Variants in IGFN1 observed in about 807,000 individuals in gnomAD.
IGFN1 encodes the protein immunoglobulin-like and fibronectin type III domain-containing protein 1.
Under a neutral mutation model 289.5 loss-of-function variants are expected in IGFN1, and 253 were observed. The observed-to-expected ratio is 0.87, with a 90% CI of 0.79 to 0.97. The LOEUF (loss-of-function observed/expected upper bound fraction) is 0.97, where lower values mean the gene tolerates loss of function less well. Ranked by LOEUF, IGFN1 falls within the 50% of genes least tolerant of loss-of-function variation. The pLI is 0.00. For missense variants in IGFN1, 4,470 were observed against 4,686.1 expected, an observed-to-expected ratio of 0.95 and a Z score of 1.35; for synonymous variants, 1,706 against 1,788.5, an observed-to-expected ratio of 0.95 and a Z score of 1.16.
chr1:201,214,355 C>T (rs1168264616), intron 13 of IGFN1, 54 bp downstream of exon 13: 4 of 1,539,186 alleles, frequency 2.6e-6, no homozygotes, highest in East Asian at 2.3e-5. Context: ...AGAGGTAAAG[C>T]AGAGAGGGGC....
rs1667170225 is a variant in IGFN1, at chr1:201,201,729, C to T, written c.644C>T (p.Thr215Ile). Residue 215 changes from threonine (T) to isoleucine (I), a missense_variant, in exon 9 of 24, where the codon ACC becomes ATC. By Grantham distance (89) the Thr-to-Ile change is moderately conservative. This residue lies in a region of IGFN1 where 2,011 missense variants were observed against 1,953.4 expected (regional missense o/e 1.03). Coordinates refer to ENST00000335211, the MANE Select transcript of IGFN1 (RefSeq NM_001164586.2). ...TTGTCTGCTTTGTAGTACATCAACA[C>T]CATCTCCAGCTTAAGACACATCAGG... ...QEDKMAQYIN[T>I]ISSLRHIRVT... The T allele has an allele frequency of 1.3e-6, 2 of 1,537,806 alleles. No homozygotes were observed. Among genetic ancestry groups the T allele is most frequent in the African/African-American group, 2.7e-5 (2 of 72,868 alleles).
chr1:201,195,786 C>T (rs1666890931), intron 3 of IGFN1, 53 bp from the exon 4 acceptor site: 1 of 1,513,518 alleles, frequency 6.6e-7, no homozygotes, highest in Non-Finnish European at 8.9e-7. Flanking sequence ...ATAAAGTATA[C>T]AGTCACCCTC....
chr1:201,201,389 T>C (rs1667148305), intron 8 of IGFN1, among the ~76,000 whole-genome samples: 1 of 152,234 alleles, frequency 6.6e-6, no homozygotes, highest in Non-Finnish European at 1.5e-5. Context: ...AGCTTTCTCA[T>C]TGGCTTTAAC....
intron 5 of IGFN1, among the ~76,000 whole-genome samples, chr1:201,198,638 G>C (rs1277420691): frequency 6.6e-6 from 1 of 151,852 alleles, no homozygotes; most frequent in Non-Finnish European, 1.5e-5. Context: ...TGTTGCCCAG[G>C]CTGGTCTGGA....
Position 201,210,424 on chromosome 1 carries a change from G to C in IGFN1, c.5531G>C (p.Gly1844Ala). The change falls in exon 12 of 24, where the codon GGA (glycine) becomes GCA (alanine). Residue 1844 changes from glycine to alanine, a missense_variant. By Grantham distance (60) the Gly-to-Ala change is moderately conservative. This residue lies in a region of IGFN1 where 33 missense variants were observed against 259.7 expected (regional missense o/e 0.13). Coordinates refer to ENST00000335211, the MANE Select transcript of IGFN1 (RefSeq NM_001164586.2). ...AGFRDGLGGSGEMGSVNEAGY... is the reference protein window; with the variant it reads ...AGFRDGLGGSAEMGSVNEAGY... Reference sequence around the variant, plus strand: ...TTCAGGGATGGTTTAGGGGGTTCTGGAGAAATGGGGTCAGTGAATGAAGCA... The same window carrying C: ...TTCAGGGATGGTTTAGGGGGTTCTGCAGAAATGGGGTCAGTGAATGAAGCA... The C allele has an allele frequency of 7.6e-7, 1 of 1,320,818 alleles. No individual in the cohort carries two copies. Among genetic ancestry groups the C allele is most frequent in the Non-Finnish European group, 1.0e-6 (1 of 999,930 alleles). 81.8% of individuals were successfully genotyped at this position (1,320,818 alleles called of 1,614,324 possible).
Position 201,206,842 on chromosome 1 carries a change from G to A in IGFN1, c.1949G>A (p.Arg650Lys). 6.5e-7 allele frequency: 1 copy of A among 1,536,874 alleles called. No homozygotes were observed. Among genetic ancestry groups the A allele is most frequent in the Non-Finnish European group, 8.7e-7 (1 of 1,146,830 alleles). Residue 650 changes from arginine (R) to lysine (K), a missense_variant, in exon 12 of 24, where the codon AGA becomes AAA. Around this residue, in one of 8 missense-constraint regions of IGFN1, gnomAD observed 2,011 missense variants for 1,953.4 expected, o/e 1.03. Transcript: ENST00000335211. ...RGDAPSRERGRGIVVWGGGTG... is the reference protein window; with the variant it reads ...RGDAPSRERGKGIVVWGGGTG... Reference sequence around the variant, plus strand: ...GATGCTCCAAGTAGGGAAAGGGGGAGAGGAATAGTAGTGTGGGGTGGTGGG... The same window carrying A: ...GATGCTCCAAGTAGGGAAAGGGGGAAAGGAATAGTAGTGTGGGGTGGTGGG...
chr1:201,191,402 G>A (rs892734458), intron 1 of IGFN1, among the ~76,000 whole-genome samples: 2 of 152,146 alleles, frequency 1.3e-5, no homozygotes, highest in African/African-American at 4.8e-5. Context: ...AGGGAAAAAG[G>A]ATGGGGAGCC....
chr1:201,225,780 CT>C (rs1401517131), intron 21 of IGFN1, 43 bp from the exon 22 acceptor site: 9 of 1,554,194 alleles, frequency 5.8e-6, no homozygotes, highest in Non-Finnish European at 6.1e-6. Context: ...AGCAGCCCTG[CT>C]GGGTCCCCTC....
rs1398763075 is a variant in IGFN1, at chr1:201,220,193, TC to T, written c.9899-1250del. Among the ~76,000 whole-genome samples, 797 of 150,470 alleles carry T rather than the reference TC, an allele frequency of 5.3e-3. 5 individuals are homozygous for T. The highest frequency in any genetic ancestry group is 0.02 in the Middle Eastern group (6 of 294). On this transcript the variant is annotated intron_variant, in intron 18 of 23. Coordinates refer to ENST00000335211, the MANE Select transcript of IGFN1 (RefSeq NM_001164586.2). ...TTCTATCCCTTTCTTTCTCTCTCTCTCTCTCTCTCTAACAGGGTCCACTCTT... is the reference window on the plus strand; with the variant it reads ...TTCTATCCCTTTCTTTCTCTCTCTCTTCTCTCTCTAACAGGGTCCACTCTT...
chr1:201,212,732 A>T lies in IGFN1; in HGVS notation c.7839A>T (p.Ser2613=). The part of the protein sequence containing the change: ...SMPGGRGKST[S]GPADRQGTSN... The stretch of plus-strand genomic sequence containing the variant: ...CTGGGGGAAGGGGCAAGTCAACATC[A>T]GGGCCTGCTGATAGACAAGGGACGA... The change falls in exon 12 of 24, where the codon TCA becomes TCT. Residue 2613 remains serine (S), a synonymous_variant. Coordinates refer to ENST00000335211, the MANE Select transcript of IGFN1 (RefSeq NM_001164586.2). 6.4e-7 allele frequency: 1 copy of T among 1,551,364 alleles called. No individual in the cohort carries two copies. The highest frequency in any genetic ancestry group is 8.7e-7 in the Non-Finnish European group (1 of 1,146,834).
chr1:201,199,452 T>G (rs1028807898), intron 6 of IGFN1, 74 bp downstream of exon 6: 128 of 1,475,590 alleles, frequency 8.7e-5, no homozygotes, highest in Non-Finnish European at 1.1e-4. Flanking sequence ...GTTCCCTGCC[T>G]GGTTGAGCTA....
Position 201,216,766 on chromosome 1 carries a change from G to C in IGFN1, c.9595+13G>C. On this transcript the variant is annotated intron_variant, in intron 16 of 23. Coordinates refer to ENST00000335211, the MANE Select transcript of IGFN1 (RefSeq NM_001164586.2). The stretch of plus-strand genomic sequence containing the variant: ...GTGGCTCCTGAGGGTGAGAGAAAAG[G>C]CTGGGGCTGGGGGTGGGGGACACTC... 2 of 1,577,894 alleles carry C rather than the reference G, an allele frequency of 1.3e-6. No homozygotes were observed. Among genetic ancestry groups the C allele is most frequent in the South Asian group, 1.2e-5 (1 of 85,086 alleles).
rs747625748 is a variant in IGFN1 at position 201,224,842 on chromosome 1, A to C, written c.10454A>C (p.Glu3485Ala). The change falls in exon 21 of 24, where the codon GAG becomes GCG. Residue 3485 changes from glutamate (E) to alanine (A), a missense_variant. Transcript: ENST00000335211. ...TVVLRTLQGK[E>A]VAHSFRIRVA... ...GTGCTGAGGACCCTGCAGGGGAAGG[A>C]GGTTGCCCACAGCTTCCGTATCAGG... 1.4e-5 allele frequency: 23 copies of C among 1,613,654 alleles called. No individual in the cohort carries two copies. The highest frequency in any genetic ancestry group is 3.3e-5 in the South Asian group (3 of 90,972).
Position 201,227,055 on chromosome 1 carries a change from C to T in IGFN1, c.10960C>T (p.Leu3654=). 6.2e-7 allele frequency: 1 copy of T among 1,613,684 alleles called. No individual in the cohort carries two copies. Among genetic ancestry groups the T allele is most frequent in the Non-Finnish European group, 8.5e-7 (1 of 1,180,018 alleles). Residue 3654 remains leucine (L), a synonymous_variant, in exon 23 of 24, where the codon CTG becomes TTG. Coordinates refer to ENST00000335211, the MANE Select transcript of IGFN1 (RefSeq NM_001164586.2). ...HVTWFKNDRS[L]EGNPAVYSTD... ...CACCTGGTTCAAGAATGACCGCAGC[C>T]TGGAAGGAAACCCCGCGGTGTACAG...
chr1:201,205,025 T>C (rs2102330662), intron 10 of IGFN1, 57 bp from the exon 11 acceptor site: 4 of 1,470,186 alleles, frequency 2.7e-6, no homozygotes, highest in Non-Finnish European at 3.6e-6. Context: ...CTTGCTGCCT[T>C]AGGTCACACT....
chr1:201,207,284 G>A lies in IGFN1; in HGVS notation c.2391G>A (p.Gln797=). 1 of 1,536,840 alleles carries A rather than the reference G, an allele frequency of 6.5e-7. No homozygotes were observed. The highest frequency in any genetic ancestry group is 1.2e-5 in the South Asian group (1 of 84,064). Residue 797 remains glutamine, a synonymous_variant, in exon 12 of 24, where the codon CAG becomes CAA. Coordinates refer to ENST00000335211, the MANE Select transcript of IGFN1 (RefSeq NM_001164586.2). ...AGGAGCTCAGGGGAAGGGATGGCCAGGAAACAGCTTGGGCCTCGGGTGAGG... is the reference window on the plus strand; with the variant it reads ...AGGAGCTCAGGGGAAGGGATGGCCAAGAAACAGCTTGGGCCTCGGGTGAGG... ...VLQELRGRDG[Q]ETAWASGEVE...
At chr1:201,202,679 CTCTT>C (rs1466913865) in intron 9 of IGFN1, among the ~76,000 whole-genome samples, 1 of 151,926 alleles carries the variant, frequency 6.6e-6, no homozygotes, top group East Asian at 1.9e-4. Flanking sequence ...CTAGTTTTCT[CTCTT>C]TCTTTCCCTT....
At position 201,206,422 on chromosome 1, in the gene IGFN1, G is replaced by T. The variant is rs1438144650; in HGVS notation, c.1529G>T (p.Arg510Ile). 1 of 1,551,028 alleles carries T rather than the reference G, an allele frequency of 6.4e-7. No individual in the cohort carries two copies. Among genetic ancestry groups the T allele is most frequent in the African/African-American group, 1.4e-5 (1 of 73,046 alleles). Residue 510 changes from arginine to isoleucine, a missense_variant, in exon 12 of 24, where the codon AGA becomes ATA. Arg to Ile is a moderately conservative substitution (Grantham distance 97, BLOSUM62 -3). Transcript: ENST00000335211. Reference sequence around the variant, plus strand: ...CTTCCCAGGGAAAATCAATCCCACAGAGAGGGAGGCTGGGCCAGAAGCCTT... The same window carrying T: ...CTTCCCAGGGAAAATCAATCCCACATAGAGGGAGGCTGGGCCAGAAGCCTT... ...ATLPRENQSH[R>I]EGGWARSLAE... is the part of the protein sequence containing the mutation.
chr1:201,219,634 G>A (rs1653577053), intron 18 of IGFN1, among the ~76,000 whole-genome samples: 2 of 152,246 alleles, frequency 1.3e-5, no homozygotes, highest in Admixed American at 6.5e-5. Flanking sequence ...AGTCCTCTAG[G>A]GAGCAGCACA....
Sources: gnomAD v4.1 joint callset for allele counts (sites outside exome capture counted in the v4.1 genomes callset) on GRCh38, gnomAD v4.1.1 for gene constraint, gnomAD v4.1.1 regional missense constraint, MANE v1.5 for transcripts, NCBI Gene and HGNC (gene_info 2026-07-23, HGNC 2026-07-21) for gene names.